Variants in TTC7B observed in about 807,000 individuals in gnomAD.
The protein encoded by TTC7B is tetratricopeptide repeat domain 7B.
Under a neutral mutation model 106.8 loss-of-function variants are expected in TTC7B, and 28 were observed. The observed-to-expected ratio is 0.26, with a 90% CI of 0.19 to 0.36. The LOEUF (loss-of-function observed/expected upper bound fraction) is 0.36, where lower values mean the gene tolerates loss of function less well. Ranked by LOEUF, TTC7B falls within the 10% of genes least tolerant of loss-of-function variation. The probability of loss-of-function intolerance (pLI) is 1.00; values close to 1 mark genes in which losing one functional copy is unlikely to be tolerated. For missense variants in TTC7B, 862 were observed against 1,076.4 expected, an observed-to-expected ratio of 0.80 and a Z score of 2.79; for synonymous variants, 405 against 430.6, an observed-to-expected ratio of 0.94 and a Z score of 0.74.
At position 90,802,154 on chromosome 14, in the gene TTC7B, G is replaced by A. The variant is rs1242348594; in HGVS notation, c.121+14021C>T. Among the ~76,000 whole-genome samples the A allele has an allele frequency of 6.6e-6, 1 of 152,184 alleles. No homozygotes were observed. Among genetic ancestry groups the A allele is most frequent in the Admixed American group, 6.5e-5 (1 of 15,268 alleles). On this transcript the variant is annotated intron_variant, in intron 1 of 19. Transcript: ENST00000328459. The surrounding 1 kb of genome is among the most constrained non-coding windows in gnomAD (Gnocchi z 4.7). ...AGCCATTAGACCTGGCAGCACACGG[G>A]CCACATCAGAGGGCAGCCTCGACGT...
In TTC7B at chr14:90,799,076, T is replaced by C. The variant is rs545457890; in HGVS notation, c.122-12748A>G. 4.6e-5 allele frequency among the ~76,000 whole-genome samples: 7 copies of C among 152,210 alleles called. No homozygotes were observed. In the East Asian group the frequency reaches 1.4e-3, roughly 29 times the overall value. ...GAAGGAGTTTTACATCTGCGATCACTACCGAGAGCCCATCTCCCACTCTCC... is the reference window on the plus strand; with the variant it reads ...GAAGGAGTTTTACATCTGCGATCACCACCGAGAGCCCATCTCCCACTCTCC... On this transcript the variant is annotated intron_variant, in intron 1 of 19. Transcript: ENST00000328459.
In TTC7B at chr14:90,532,736, C is replaced by T. The variant is rs1889315577; in HGVS notation, c.*8632G>A. 1 of 152,254 alleles carries T rather than the reference C, an allele frequency of 6.6e-6. No individual in the cohort carries two copies. Among genetic ancestry groups the T allele is most frequent in the Non-Finnish European group, 1.5e-5 (1 of 68,064 alleles). The allele number at this position is 152,254 out of a possible 1,614,324, so 9.4% of individuals were successfully genotyped here. ...CCCCAGCCCAGGTACCTGTGTCTGGCCAGGGGTCCTTGATACACCGTGGCT... is the reference window on the plus strand; with the variant it reads ...CCCCAGCCCAGGTACCTGTGTCTGGTCAGGGGTCCTTGATACACCGTGGCT... On this transcript the variant is annotated 3_prime_UTR_variant, in exon 20 of 20. Coordinates refer to ENST00000328459, the MANE Select transcript of TTC7B (RefSeq NM_001010854.2).
At chr14:90,755,963 G>C (rs965015721) in intron 3 of TTC7B, among the ~76,000 whole-genome samples, 2 of 152,234 alleles carry the variant, frequency 1.3e-5, no homozygotes, top group Non-Finnish European at 1.5e-5. Flanking sequence ...AGGGGTAGCT[G>C]AAAAATGCAG....
intron 18 of TTC7B, among the ~76,000 whole-genome samples, chr14:90,580,842 C>A (rs536988349): frequency 6.6e-6 from 1 of 152,362 alleles, no homozygotes; most frequent in East Asian, 1.9e-4. Context: ...CCAGGGATAG[C>A]CCTGGCAGGC....
chr14:90,626,292 A>T (rs1884436504), intron 15 of TTC7B, among the ~76,000 whole-genome samples: 1 of 152,222 alleles, frequency 6.6e-6, no homozygotes, highest in African/African-American at 2.4e-5. Flanking sequence ...TTTGTTCTTA[A>T]ATTCAGTGAG....
intron 9 of TTC7B, 87 bp downstream of exon 9, chr14:90,676,436 C>A (rs1295598767): frequency 8.0e-6 from 12 of 1,509,304 alleles, no homozygotes; most frequent in Admixed American, 1.8e-5. Context: ...AGAGGGGGGC[C>A]CAGGACCAGG....
intron 17 of TTC7B, among the ~76,000 whole-genome samples, chr14:90,596,370 T>G (rs1002113532): frequency 6.6e-6 from 1 of 152,188 alleles, no homozygotes; most frequent in Non-Finnish European, 1.5e-5. Flanking sequence ...TATACACAAC[T>G]AAATCAATTA....
chr14:90,571,368 C>CCA (rs1891028343), intron 19 of TTC7B, among the ~76,000 whole-genome samples: 5 of 152,098 alleles, frequency 3.3e-5, no homozygotes, highest in Admixed American at 2.0e-4. Flanking sequence ...ACTTTGTCCT[C>CCA]GGCACTGTGA....
At chr14:90,601,111 T>G (rs573336239) in intron 17 of TTC7B, among the ~76,000 whole-genome samples, 8 of 152,302 alleles carry the variant, frequency 5.3e-5, no homozygotes, top group Admixed American at 2.6e-4. Flanking sequence ...AGAAAGATAC[T>G]ACAGAACTAA....
intron 3 of TTC7B, among the ~76,000 whole-genome samples, chr14:90,764,561 T>A (rs1158011981): frequency 2.6e-5 from 4 of 151,992 alleles, no homozygotes; most frequent in Non-Finnish European, 5.9e-5. Flanking sequence ...AAACCATATA[T>A]CTGTAAAAGA....
At chr14:90,793,045 T>C (rs1244168591) in intron 1 of TTC7B, among the ~76,000 whole-genome samples, 2 of 152,128 alleles carry the variant, frequency 1.3e-5, no homozygotes, top group Non-Finnish European at 2.9e-5. Flanking sequence ...AGTTCCCCCA[T>C]GCTGTTCTCA....
At chr14:90,756,384 GT>G (rs369068692) in intron 3 of TTC7B, among the ~76,000 whole-genome samples, 60,773 of 126,758 alleles carry the variant, frequency 0.48, 13,229 homozygotes, top group Middle Eastern at 0.56. Context: ...TTTTTTTTTT[GT>G]TTTTTTTTTT....
At chr14:90,694,814 T>C (rs1434386009) in intron 6 of TTC7B, among the ~76,000 whole-genome samples, 1 of 139,906 alleles carries the variant, frequency 7.1e-6, no homozygotes, top group African/African-American at 2.6e-5. Flanking sequence ...AAAACATGTA[T>C]ATTTTATATA....
At chr14:90,771,706 CACAG>C (rs1890869080) in intron 3 of TTC7B, among the ~76,000 whole-genome samples, 1 of 151,824 alleles carries the variant, frequency 6.6e-6, no homozygotes, top group Non-Finnish European at 1.5e-5. Flanking sequence ...CATACACACA[CACAG>C]AATGAAAAAA....
chr14:90,593,346 G>A, intron 18 of TTC7B, 140 bp downstream of exon 18: 1 of 1,256,008 alleles, frequency 8.0e-7, no homozygotes, highest in Non-Finnish European at 1.0e-6. Flanking sequence ...TTGGTGCATG[G>A]CCGTGAAGCT....
intron 19 of TTC7B, among the ~76,000 whole-genome samples, chr14:90,558,683 G>A (rs1020982181): frequency 6.6e-6 from 1 of 152,240 alleles, no homozygotes; most frequent in Non-Finnish European, 1.5e-5. Flanking sequence ...AAAGGGCGGG[G>A]TCTCCCCGGC....
chr14:90,721,213 A>G (rs1381529672), intron 5 of TTC7B, among the ~76,000 whole-genome samples: 1 of 151,778 alleles, frequency 6.6e-6, no homozygotes, highest in Admixed American at 6.6e-5. Flanking sequence ...GCTGAAACCA[A>G]GGAGAGATCA....
At chr14:90,548,716 A>C (rs1388733695) in intron 19 of TTC7B, among the ~76,000 whole-genome samples, 3 of 152,212 alleles carry the variant, frequency 2.0e-5, no homozygotes, top group Non-Finnish European at 4.4e-5. Context: ...GCAGACCCAG[A>C]AACTTGATGA....
intron 1 of TTC7B, among the ~76,000 whole-genome samples, chr14:90,813,197 G>T (rs1358617615): frequency 1.3e-5 from 2 of 152,138 alleles, no homozygotes; most frequent in Admixed American, 6.6e-5. Flanking sequence ...TAAACTAGTA[G>T]TTCCTGCAAC....
Sources: allele counts gnomAD v4.1 joint callset (sites outside exome capture counted in the v4.1 genomes callset), GRCh38; gene constraint gnomAD v4.1.1; non-coding constraint Gnocchi (gnomAD v3.1); transcripts MANE v1.5; gene names NCBI Gene and HGNC (gene_info 2026-07-23, HGNC 2026-07-21).